Variants in SNAP47 observed in about 807,000 individuals in gnomAD.
The protein encoded by SNAP47 is synaptosomal-associated protein 47.
SNAP47 carries 20 observed loss-of-function variants against 31.4 expected under a neutral mutation model. That is an observed-to-expected ratio of 0.64 (90% confidence interval 0.45 to 0.93). The LOEUF (loss-of-function observed/expected upper bound fraction) is 0.93, where lower values mean the gene tolerates loss of function less well. SNAP47 is among the 40% of genes least tolerant of loss of function. The pLI is 0.00. For missense variants in SNAP47, 492 were observed against 528.5 expected, an observed-to-expected ratio of 0.93 and a Z score of 0.68; for synonymous variants, 194 against 213.4, an observed-to-expected ratio of 0.91 and a Z score of 0.79.
rs1663098621 is a variant in SNAP47, at chr1:227,762,062, T to A, written c.988+2577T>A. Among the ~76,000 whole-genome samples the A allele has an allele frequency of 6.6e-6, 1 of 152,220 alleles. No individual in the cohort carries two copies. On this transcript the variant is annotated intron_variant, in intron 3 of 4. Coordinates refer to ENST00000617596, the MANE Select transcript of SNAP47 (RefSeq NM_053052.4). This position sits in a 1 kb window ranked among gnomAD's most constrained non-coding sequence, Gnocchi z 4.2. ...GTTGTAGCCACAGCGAGCACCGTCT[T>A]TTCACTTGCACAGCTGCACCCGGCC...
intron 2 of SNAP47, among the ~76,000 whole-genome samples, chr1:227,750,859 G>T (rs1273136521): frequency 6.6e-6 from 1 of 152,218 alleles, no homozygotes; most frequent in Non-Finnish European, 1.5e-5. Context: ...GAGTTTCTGT[G>T]TGGCCACATG....
At chr1:227,728,426 C>CGCCCTGCCT (rs1489973742), upstream of SNAP47, 11 of 149,552 alleles carry the variant, frequency 7.4e-5, no homozygotes, top group Admixed American at 7.3e-4. Flanking sequence ...CCCCGCCGCC[C>CGCCCTGCCT]GCCCTGCCTG....
In SNAP47 at chr1:227,735,492, T is replaced by C. The variant is rs1325033016; in HGVS notation, c.-53T>C. The C allele has an allele frequency of 7.1e-7, 1 of 1,410,172 alleles. No individual in the cohort carries two copies. The highest frequency in any genetic ancestry group is 1.6e-5 in the South Asian group (1 of 62,716). The allele number at this position is 1,410,172 out of a possible 1,614,324, so 87.4% of individuals were successfully genotyped here. ...GGTCGGCTCTGGGACTCGTCTGGCGTCCCTCAGGTGAGCGACGGTGTTGGT... is the reference window on the plus strand; with the variant it reads ...GGTCGGCTCTGGGACTCGTCTGGCGCCCCTCAGGTGAGCGACGGTGTTGGT... On this transcript the variant is annotated 5_prime_UTR_variant, in exon 1 of 5. Coordinates refer to ENST00000617596, the MANE Select transcript of SNAP47 (RefSeq NM_053052.4).
intron 4 of SNAP47, among the ~76,000 whole-genome samples, chr1:227,771,594 T>C (rs1663809086): frequency 6.6e-6 from 1 of 152,300 alleles, no homozygotes; most frequent in South Asian, 2.1e-4. Flanking sequence ...TTAACCTGTA[T>C]GCTCTTTGGC....
rs146272106 is a variant in SNAP47 at position 227,759,223 on chromosome 1, C to T, written c.726C>T (p.Ser242=). 2.5e-6 allele frequency: 4 copies of T among 1,614,086 alleles called. No individual in the cohort carries two copies. Among genetic ancestry groups the T allele is most frequent in the Admixed American group, 1.7e-5 (1 of 60,002 alleles). ...TGTCTGGGTTGGAAATACATGACTC[C>T]AGTTCTTTGCTCATGCACAGGTTTG... ...VLVSGLEIHD[S]SSLLMHRFER... Residue 242 remains serine, a synonymous_variant, in exon 3 of 5, where the codon TCC becomes TCT. Coordinates refer to ENST00000617596, the MANE Select transcript of SNAP47 (RefSeq NM_053052.4).
At chr1:227,743,639 C>T (rs369999624) in intron 1 of SNAP47, among the ~76,000 whole-genome samples, 1 of 152,220 alleles carries the variant, frequency 6.6e-6, no homozygotes, top group South Asian at 2.1e-4. Context: ...AGTCACAGGC[C>T]GTGTCATCGT....
Position 227,780,753 on chromosome 1 carries a change from A to C in SNAP47, c.*80A>C. 6.3e-7 allele frequency: 1 copy of C among 1,582,984 alleles called. No individual in the cohort carries two copies. Among genetic ancestry groups the C allele is most frequent in the South Asian group, 1.2e-5 (1 of 86,746 alleles). The stretch of plus-strand genomic sequence containing the variant: ...GGCTGGGCGGCAGTGCCAGGGCTGC[A>C]GAGGCCTGTGGCCCTCCGGAGTGGT... On this transcript the variant is annotated 3_prime_UTR_variant, in exon 5 of 5. Coordinates refer to ENST00000617596, the MANE Select transcript of SNAP47 (RefSeq NM_053052.4).
chr1:227,777,015 G>A (rs1664199676), intron 4 of SNAP47: 3 of 985,074 alleles, frequency 3.0e-6, no homozygotes, highest in African/African-American at 1.8e-5. Context: ...TATTATTACT[G>A]TGCTTAATAG....
chr1:227,759,797 G>A, intron 3 of SNAP47: 1 of 402,860 alleles, frequency 2.5e-6, no homozygotes, highest in Admixed American at 4.3e-5. Flanking sequence ...TTGGTCGCCA[G>A]TGTGGCAGGG....
intron 2 of SNAP47, among the ~76,000 whole-genome samples, chr1:227,757,971 G>A (rs111536332): frequency 6.4e-4 from 98 of 152,270 alleles, no homozygotes; most frequent in African/African-American, 2.0e-3. Flanking sequence ...CCTGACTGAC[G>A]CAGTCACCCT....
intron 2 of SNAP47, among the ~76,000 whole-genome samples, chr1:227,753,432 T>G (rs1662502310): frequency 6.6e-6 from 1 of 152,182 alleles, no homozygotes; most frequent in South Asian, 2.1e-4. Flanking sequence ...TCTTATCTTT[T>G]CCTGCCGGGT....
intron 2 of SNAP47, among the ~76,000 whole-genome samples, chr1:227,752,115 G>A (rs939747749): frequency 1.8e-4 from 28 of 152,238 alleles, no homozygotes; most frequent in Non-Finnish European, 3.5e-4. Context: ...TTGAGGTATT[G>A]CTGAGAAAAC....
At chr1:227,756,050 A>C (rs994893654) in intron 2 of SNAP47, among the ~76,000 whole-genome samples, 4 of 152,190 alleles carry the variant, frequency 2.6e-5, no homozygotes, top group Non-Finnish European at 5.9e-5. Context: ...TGTCCCACTA[A>C]AACATATAAA....
intron 3 of SNAP47, 54 bp from the exon 4 acceptor site, chr1:227,766,905 A>T: frequency 6.2e-7 from 1 of 1,606,220 alleles, no homozygotes; most frequent in Non-Finnish European, 8.5e-7. Context: ...AGAGCACACG[A>T]GGGTTGTTGC....
Position 227,759,299 on chromosome 1 carries a change from A to C in SNAP47, c.802A>C (p.Ile268Leu). Residue 268 changes from isoleucine (I) to leucine (L), a missense_variant, in exon 3 of 5, where the codon ATC becomes CTC. Transcript: ENST00000617596. ...GGTCCACTCACCTTACGAAATTAGC[A>C]TCCGCCAGCGGTTTATTGGAAAGCC... is the stretch of plus-strand genomic sequence containing the variant. ...IKVHSPYEIS[I>L]RQRFIGKPDM... The C allele has an allele frequency of 6.2e-7, 1 of 1,614,250 alleles. No homozygotes were observed. The highest frequency in any genetic ancestry group is 1.1e-5 in the South Asian group (1 of 91,088).
chr1:227,728,346 AGCGGGGG>A (rs1213141245), upstream of SNAP47, among the ~76,000 whole-genome samples: 1 of 150,520 alleles, frequency 6.6e-6, no homozygotes, highest in Non-Finnish European at 1.5e-5. Flanking sequence ...TTGCCACCGG[AGCGGGGG>A]GGGCGGGCCC....
upstream of SNAP47, among the ~76,000 whole-genome samples, chr1:227,728,261 C>T (rs950479249): frequency 1.3e-5 from 2 of 152,212 alleles, no homozygotes; most frequent in South Asian, 2.1e-4. Flanking sequence ...GGACCCTGGG[C>T]GTCCCGCTGC....
At chr1:227,779,297 G>A (rs1471586664) in intron 4 of SNAP47, among the ~76,000 whole-genome samples, 1 of 150,746 alleles carries the variant, frequency 6.6e-6, no homozygotes, top group Non-Finnish European at 1.5e-5. Flanking sequence ...CAAGCTGCAT[G>A]TGTCCCACTG....
intron 4 of SNAP47, 146 bp downstream of exon 4, chr1:227,767,229 G>A (rs1252048203): frequency 1.1e-5 from 13 of 1,208,858 alleles, no homozygotes; most frequent in Admixed American, 4.6e-5. Context: ...GCCTCCACTC[G>A]GCAGCTGCAG....
Sources: allele counts gnomAD v4.1 joint callset (sites outside exome capture counted in the v4.1 genomes callset), GRCh38; gene constraint gnomAD v4.1.1; non-coding constraint Gnocchi (gnomAD v3.1); transcripts MANE v1.5; gene names NCBI Gene and HGNC (gene_info 2026-07-23, HGNC 2026-07-21).